Variants in WWC2 observed in about 807,000 individuals in gnomAD.
The protein encoded by WWC2 is WW and C2 domain containing 2.
Under a neutral mutation model 138.5 loss-of-function variants are expected in WWC2, and 101 were observed. The observed-to-expected ratio is 0.73, with a 90% CI of 0.62 to 0.86. The LOEUF (loss-of-function observed/expected upper bound fraction) is 0.86, where lower values mean the gene tolerates loss of function less well. Ranked by LOEUF, WWC2 falls within the 40% of genes least tolerant of loss-of-function variation. WWC2 has a pLI of 0.00. For missense variants in WWC2, 1,420 were observed against 1,419.4 expected, an observed-to-expected ratio of 1.00 and a Z score of -0.01; for synonymous variants, 558 against 538.4, an observed-to-expected ratio of 1.04 and a Z score of -0.50.
At chr4:183,260,879 G>A (rs113464479) in intron 10 of WWC2, 31 bp from the exon 11 acceptor site, 172 of 1,607,844 alleles carry the variant, frequency 1.1e-4, no homozygotes, top group Non-Finnish European at 1.3e-4. Flanking sequence ...TTTTGTAACA[G>A]ATTTTATGGT....
chr4:183,165,598 T>G (rs1191586937), intron 1 of WWC2, among the ~76,000 whole-genome samples: 2 of 152,166 alleles, frequency 1.3e-5, no homozygotes, highest in African/African-American at 4.8e-5. Flanking sequence ...TGCTTTTAGA[T>G]ATTTCCTGTT....
At chr4:183,137,682 A>G (rs1232162224) in intron 1 of WWC2, among the ~76,000 whole-genome samples, 2 of 152,048 alleles carry the variant, frequency 1.3e-5, no homozygotes, top group East Asian at 3.9e-4. Flanking sequence ...TATTTTTTGT[A>G]AGGACAAGAT....
chr4:183,152,936 G>A (rs1189742762), intron 1 of WWC2, among the ~76,000 whole-genome samples: 1 of 152,014 alleles, frequency 6.6e-6, no homozygotes, highest in East Asian at 1.9e-4. Flanking sequence ...TGCTCTATCA[G>A]CTAGGCTGGA....
intron 4 of WWC2, among the ~76,000 whole-genome samples, chr4:183,236,068 A>G (rs1463060933): frequency 4.6e-5 from 7 of 152,212 alleles, no homozygotes; most frequent in African/African-American, 1.7e-4. Flanking sequence ...ATTCTTCTGC[A>G]TATGGATATT....
At chr4:183,303,078 A>AG (rs1240530862) in intron 21 of WWC2, among the ~76,000 whole-genome samples, 1 of 151,868 alleles carries the variant, frequency 6.6e-6, no homozygotes, top group Non-Finnish European at 1.5e-5. Flanking sequence ...AAAAAAAAAA[A>AG]AAGGATTTGT....
Position 183,257,977 on chromosome 4 carries a change from C to T in WWC2, c.1197-1662C>T, listed in dbSNP as rs191731184. On this transcript the variant is annotated intron_variant, in intron 9 of 22. Transcript: ENST00000403733. Reference sequence around the variant, plus strand: ...ATTAAAGGGCTGGAAGAGCAGCTGCCGAGCATCACCTGGAGAAGGCTGAGG... The same window carrying T: ...ATTAAAGGGCTGGAAGAGCAGCTGCTGAGCATCACCTGGAGAAGGCTGAGG... Among the ~76,000 whole-genome samples, 256 of 152,262 alleles carry T rather than the reference C, an allele frequency of 1.7e-3. 3 individuals are homozygous for T. Among genetic ancestry groups the T allele is most frequent in the African/African-American group, 5.9e-3 (246 of 41,550 alleles).
At chr4:183,284,116 T>G (rs768529079) in intron 18 of WWC2, 110 bp from the exon 19 acceptor site, 35 of 1,334,912 alleles carry the variant, frequency 2.6e-5, no homozygotes, top group Non-Finnish European at 3.5e-5. Flanking sequence ...GTGGCCATAG[T>G]GCTCCATGAG....
rs1734288941 is a variant in WWC2, at chr4:183,171,733, A to G, written c.132-21866A>G. ...ACTTGATTCACTGTCTCTACAGTCG[A>G]CCACATTTACATATTTAAAAGTTTC... On this transcript the variant is annotated intron_variant, in intron 1 of 22. Coordinates refer to ENST00000403733, the MANE Select transcript of WWC2 (RefSeq NM_024949.6). 2.0e-5 allele frequency among the ~76,000 whole-genome samples: 3 copies of G among 152,210 alleles called. No homozygotes were observed. The South Asian group carries it at 6.2e-4, about 32-fold the overall frequency.
In WWC2 at chr4:183,280,786, C is replaced by G. The variant is rs1738043237; in HGVS notation, c.2573C>G (p.Ser858Ter). 1.2e-6 allele frequency: 2 copies of G among 1,603,794 alleles called. No individual in the cohort carries two copies. The highest frequency in any genetic ancestry group is 1.7e-6 in the Non-Finnish European group (2 of 1,175,150). The change falls in exon 17 of 23, where the codon TCA (serine) becomes TGA (stop). Residue 858 changes from serine to a stop codon, truncating the protein, a stop_gained. Coordinates refer to ENST00000403733, the MANE Select transcript of WWC2 (RefSeq NM_024949.6). LOFTEE classifies it high-confidence loss of function. The stretch of plus-strand genomic sequence containing the variant: ...CTTTACATTCTTCAGGATGCAGTGT[C>G]AGCCTTACTTGCAAGAACATCAGCT... The part of the protein sequence containing the change: ...LVDSIDLDAV[S>*]ALLARTSAEL...
At chr4:183,305,277 A>G (rs1738988419) in intron 21 of WWC2, among the ~76,000 whole-genome samples, 1 of 152,236 alleles carries the variant, frequency 6.6e-6, no homozygotes, top group Non-Finnish European at 1.5e-5. Context: ...GGACAACTAC[A>G]GAAGATGTAC....
At chr4:183,134,575 A>G (rs926573626) in intron 1 of WWC2, among the ~76,000 whole-genome samples, 3 of 152,032 alleles carry the variant, frequency 2.0e-5, no homozygotes, top group South Asian at 4.1e-4. Flanking sequence ...ATCAGATCAC[A>G]CTTGTTAATT....
At chr4:183,291,890 T>C (rs1738463460) in intron 21 of WWC2, among the ~76,000 whole-genome samples, 1 of 151,926 alleles carries the variant, frequency 6.6e-6, no homozygotes, top group African/African-American at 2.4e-5. Context: ...ATAAAGAATG[T>C]TATAAAACTA....
chr4:183,312,692 C>T (rs1739300438), intron 22 of WWC2, among the ~76,000 whole-genome samples: 1 of 152,204 alleles, frequency 6.6e-6, no homozygotes, highest in Admixed American at 6.5e-5. Flanking sequence ...CAGGGTGTCC[C>T]CAGCTCTTAG....
chr4:183,121,076 G>A (rs1278247416), intron 1 of WWC2, among the ~76,000 whole-genome samples: 3 of 152,190 alleles, frequency 2.0e-5, no homozygotes, highest in African/African-American at 7.2e-5. Context: ...AAGTTAGCCA[G>A]GCATGGCGGT....
intron 1 of WWC2, among the ~76,000 whole-genome samples, chr4:183,162,002 G>A (rs1733974946): frequency 6.6e-6 from 1 of 152,218 alleles, no homozygotes. Flanking sequence ...CTCAGGGGAA[G>A]TGATGCTACC....
chr4:183,139,285 C>T lies in WWC2; in HGVS notation c.131+39663C>T, dbSNP rs115695468. ...CACTTCCTTGGTGATCTCATCTAAT[C>T]GTAGGTTTAAATTCTACCTCTGTAT... On this transcript the variant is annotated intron_variant, in intron 1 of 22. Transcript: ENST00000403733. 1.3e-3 allele frequency among the ~76,000 whole-genome samples: 204 copies of T among 152,232 alleles called. 1 individual carries two copies. The highest frequency in any genetic ancestry group is 4.7e-3 in the African/African-American group (197 of 41,562).
At chr4:183,270,997 T>C in intron 15 of WWC2, 83 bp from the exon 16 acceptor site, 1 of 1,230,118 alleles carries the variant, frequency 8.1e-7, no homozygotes, top group Non-Finnish European at 1.1e-6. Flanking sequence ...CAATAATCTT[T>C]ATTATATCAG....
chr4:183,121,784 G>A (rs1732606697), intron 1 of WWC2, among the ~76,000 whole-genome samples: 1 of 146,752 alleles, frequency 6.8e-6, no homozygotes, highest in Non-Finnish European at 1.5e-5. Context: ...TTGTTAAGAA[G>A]CTTTTTTTTT....
At chr4:183,226,763 A>T (rs867889159) in intron 4 of WWC2, among the ~76,000 whole-genome samples, 1 of 152,038 alleles carries the variant, frequency 6.6e-6, no homozygotes, top group Non-Finnish European at 1.5e-5. Context: ...TTTTTATCCA[A>T]CCATTCAGTG....
Sources: allele counts gnomAD v4.1 joint callset (sites outside exome capture counted in the v4.1 genomes callset), GRCh38; gene constraint gnomAD v4.1.1; transcripts MANE v1.5; gene names NCBI Gene and HGNC (gene_info 2026-07-23, HGNC 2026-07-21).